The following TRPM3 variants were observed in gnomAD, a reference collection of about 807,000 sequenced individuals.
TRPM3 encodes the protein transient receptor potential cation channel subfamily M member 3, also known as long transient receptor potential channel 3.
Under a neutral mutation model 181.2 loss-of-function variants are expected in TRPM3, and 77 were observed. The observed-to-expected ratio is 0.42, with a 90% CI of 0.35 to 0.51. The LOEUF is 0.51. TRPM3 is among the 20% of genes least tolerant of loss of function. The pLI, the probability that TRPM3 is intolerant of heterozygous loss-of-function variation, is 0.01. For missense variants in TRPM3, 1,759 were observed against 2,196.7 expected (o/e 0.80, Z 3.98); for synonymous variants, 745 against 796.4 (o/e 0.94, Z 1.09).
intron 1 of TRPM3, among the ~76,000 whole-genome samples, chr9:71,428,816 G>A (rs1168397310): frequency 2.0e-5 from 3 of 152,016 alleles, no homozygotes; most frequent in African/African-American, 7.2e-5. Flanking sequence ...TCCTTGAGTA[G>A]GTACTGAATG....
At chr9:71,081,878 G>C (rs533388384) in intron 1 of TRPM3, among the ~76,000 whole-genome samples, 3 of 152,184 alleles carry the variant, frequency 2.0e-5, no homozygotes, top group Admixed American at 1.3e-4. Context: ...TAGCAACATT[G>C]CCACTTGGAT....
rs371390735 is a variant in TRPM3, at chr9:70,832,384, G to A, written c.802-4366C>T. ...AGTACTCTCTGAGCATTGTGGGCCC[G>A]AATACCTGTAAGCAATGACATTTGC... is the stretch of plus-strand genomic sequence containing the variant. On this transcript the variant is annotated intron_variant, in intron 5 of 25. Coordinates refer to ENST00000677713, the MANE Select transcript of TRPM3 (RefSeq NM_001366145.2). Among the ~76,000 whole-genome samples, 424 of 152,144 alleles carry A rather than the reference G, an allele frequency of 2.8e-3. 3 individuals are homozygous for A. Among genetic ancestry groups the A allele is most frequent in the African/African-American group, 9.6e-3 (400 of 41,522 alleles).
intron 1 of TRPM3, among the ~76,000 whole-genome samples, chr9:70,913,535 A>T (rs909230017): frequency 6.6e-6 from 1 of 152,212 alleles, no homozygotes; most frequent in Non-Finnish European, 1.5e-5. Flanking sequence ...CCAGAGGGAA[A>T]AGCTGCTGCT....
chr9:71,377,107 T>C (rs2092685316), intron 1 of TRPM3, among the ~76,000 whole-genome samples: 1 of 152,114 alleles, frequency 6.6e-6, no homozygotes, highest in Admixed American at 6.6e-5. Context: ...ACGGTAAAAC[T>C]GAACAAACTT....
chr9:70,816,950 G>A (rs1275059903), intron 6 of TRPM3, among the ~76,000 whole-genome samples: 1 of 152,194 alleles, frequency 6.6e-6, no homozygotes, highest in Non-Finnish European at 1.5e-5. Context: ...GAGCAAAAGG[G>A]CAAGATATGA....
chr9:70,985,544 TA>T (rs569651802), intron 1 of TRPM3, among the ~76,000 whole-genome samples: 63 of 152,328 alleles, frequency 4.1e-4, no homozygotes, highest in African/African-American at 1.5e-3. Flanking sequence ...AGGTATTTAT[TA>T]TTTGTGGCCA....
intron 6 of TRPM3, among the ~76,000 whole-genome samples, chr9:70,817,276 G>T (rs182179893): frequency 6.6e-6 from 1 of 152,172 alleles, no homozygotes; most frequent in Non-Finnish European, 1.5e-5. Context: ...CTGTGCCTTC[G>T]AAAGGAAGGG....
chr9:70,990,944 G>C (rs956173960), intron 1 of TRPM3, among the ~76,000 whole-genome samples: 3 of 152,144 alleles, frequency 2.0e-5, no homozygotes, highest in Admixed American at 1.3e-4. Context: ...ATAGACACAT[G>C]TAATGAATCC....
chr9:70,912,345 C>A (rs2096546652), intron 1 of TRPM3, among the ~76,000 whole-genome samples: 1 of 152,042 alleles, frequency 6.6e-6, no homozygotes, highest in Non-Finnish European at 1.5e-5. Context: ...AATTGCAGAA[C>A]AAAACAGCCC....
At chr9:70,803,167 T>G (rs2089690925) in intron 6 of TRPM3, among the ~76,000 whole-genome samples, 2 of 151,636 alleles carry the variant, frequency 1.3e-5, no homozygotes, top group South Asian at 4.2e-4. Flanking sequence ...GATCTGAGCC[T>G]TGGATGGGGG....
At chr9:70,943,009 G>C (rs949469945) in intron 1 of TRPM3, among the ~76,000 whole-genome samples, 2 of 151,902 alleles carry the variant, frequency 1.3e-5, no homozygotes, top group African/African-American at 4.8e-5. Flanking sequence ...AAATGGAAAG[G>C]AGTTTTGTCT....
intron 1 of TRPM3, among the ~76,000 whole-genome samples, chr9:70,913,588 C>T (rs1221877481): frequency 6.6e-6 from 1 of 152,130 alleles, no homozygotes. Flanking sequence ...ACAAAAACAA[C>T]CAACAATTAT....
Position 71,121,507 on chromosome 9 carries a change from G to A in TRPM3, c.-153C>T. ...GCCGTGCTCATGCATACCAAATGTG[G>A]CTGAATGGAGGCACACTGCCTGCTG... On this transcript the variant is annotated 5_prime_UTR_variant, in exon 1 of 26. Transcript: ENST00000677713. 7.1e-7 allele frequency: 1 copy of A among 1,413,498 alleles called. No homozygotes were observed. Among genetic ancestry groups the A allele is most frequent in the Non-Finnish European group, 9.2e-7 (1 of 1,087,568 alleles). The allele number at this position is 1,413,498 out of a possible 1,614,324, so 87.6% of individuals were successfully genotyped here. A position where few individuals can be genotyped will look rare whatever the true frequency, so the allele number is the denominator to read the frequency against.
At chr9:71,256,507 T>C (rs1007122282) in intron 1 of TRPM3, among the ~76,000 whole-genome samples, 1 of 151,982 alleles carries the variant, frequency 6.6e-6, no homozygotes, top group Admixed American at 6.6e-5. Context: ...GAGAGTGCCA[T>C]ACTGGGGAGT....
At chr9:71,052,526 G>A (rs1268803667) in intron 1 of TRPM3, among the ~76,000 whole-genome samples, 1 of 152,180 alleles carries the variant, frequency 6.6e-6, no homozygotes. Flanking sequence ...GGTGGCATGA[G>A]TGCTGCATGT....
intron 1 of TRPM3, among the ~76,000 whole-genome samples, chr9:71,293,649 C>T (rs1226542499): frequency 6.6e-6 from 1 of 151,646 alleles, no homozygotes; most frequent in Non-Finnish European, 1.5e-5. Context: ...ATCTTCTCCC[C>T]CAAATTGATC....
chr9:70,793,438 AGAGT>A (rs978215514), intron 6 of TRPM3: 1 of 147,354 alleles, frequency 6.8e-6, no homozygotes. Context: ...CCTCAGTGAC[AGAGT>A]GAGGCTTTGT....
intron 25 of TRPM3, among the ~76,000 whole-genome samples, chr9:70,543,750 G>A (rs1240093298): frequency 1.3e-5 from 2 of 152,118 alleles, no homozygotes; most frequent in East Asian, 3.8e-4. Flanking sequence ...CTAAATCCTT[G>A]CATTTGCTTA....
At chr9:71,240,729 G>C (rs2081614729) in intron 1 of TRPM3, among the ~76,000 whole-genome samples, 1 of 152,160 alleles carries the variant, frequency 6.6e-6, no homozygotes, top group African/African-American at 2.4e-5. Flanking sequence ...TAGATTCACG[G>C]AGAGAGGTTG....
Sources: allele counts gnomAD v4.1 joint callset (sites outside exome capture counted in the v4.1 genomes callset), GRCh38; gene constraint gnomAD v4.1.1; transcripts MANE v1.5; gene names NCBI Gene and HGNC (gene_info 2026-07-23, HGNC 2026-07-21).